Variants in IL1RAPL2 observed in about 807,000 individuals in gnomAD.
IL1RAPL2 encodes the protein interleukin 1 receptor accessory protein like 2, also known as X-linked interleukin-1 receptor accessory protein-like 2.
Under a neutral mutation model 44.1 loss-of-function variants are expected in IL1RAPL2, and 3 were observed. The observed-to-expected ratio is 0.07, with a 90% CI of 0.03 to 0.18. The LOEUF is 0.18. Ranked by LOEUF, IL1RAPL2 falls within the 10% of genes least tolerant of loss-of-function variation. The pLI is 1.00. For missense variants in IL1RAPL2, 391 were observed against 496.4 expected, an observed-to-expected ratio of 0.79 and a Z score of 2.02; for synonymous variants, 181 against 178.8, an observed-to-expected ratio of 1.01 and a Z score of -0.10.
chrX:105,383,084 C>T (rs976846545), intron 5 of IL1RAPL2, among the ~76,000 whole-genome samples: 12 of 108,198 alleles, frequency 1.1e-4, no homozygotes, highest in African/African-American at 3.0e-4. Context: ...CAAACCTGCA[C>T]GTTGTGCACA....
At chrX:105,164,079 T>A (rs2033350547) in intron 2 of IL1RAPL2, among the ~76,000 whole-genome samples, 2 of 77,077 alleles carry the variant, frequency 2.6e-5, no homozygotes, top group Non-Finnish European at 5.1e-5. Context: ...CCTAAAATGA[T>A]TTCAATTGCC....
At chrX:105,246,640 A>G (rs1603030684) in intron 4 of IL1RAPL2, among the ~76,000 whole-genome samples, 1 of 111,482 alleles carries the variant, frequency 9.0e-6, no homozygotes, top group South Asian at 3.8e-4. Flanking sequence ...GGATGTAGTG[A>G]TATGTTAAGT....
intron 2 of IL1RAPL2, among the ~76,000 whole-genome samples, chrX:104,769,972 A>C (rs1010808758): frequency 8.9e-6 from 1 of 112,030 alleles, no homozygotes; most frequent in African/African-American, 3.2e-5. Context: ...GTTTGGACAC[A>C]TGCTGTGTCA....
intron 2 of IL1RAPL2, among the ~76,000 whole-genome samples, chrX:105,051,142 A>G (rs2031916377): frequency 9.0e-6 from 1 of 111,566 alleles, no homozygotes; most frequent in Non-Finnish European, 1.9e-5. Flanking sequence ...CCTACTGGGG[A>G]CCCACCCCTT....
intron 2 of IL1RAPL2, among the ~76,000 whole-genome samples, chrX:105,032,772 G>T (rs1423172481): frequency 9.0e-6 from 1 of 111,041 alleles, no homozygotes; most frequent in African/African-American, 3.3e-5. Context: ...TTCAGTTCCT[G>T]GGTATCCTTG....
chrX:105,040,237 G>A (rs1209941099), intron 2 of IL1RAPL2, among the ~76,000 whole-genome samples: 11 of 111,549 alleles, frequency 9.9e-5, no homozygotes, highest in Admixed American at 7.6e-4. Context: ...AAGCCCACTT[G>A]ATCATGGTGG....
chrX:104,874,279 C>CCTCTCTCT (rs59789265), intron 2 of IL1RAPL2, among the ~76,000 whole-genome samples: 6,308 of 76,200 alleles, frequency 0.083, 361 homozygotes, highest in East Asian at 0.15. Flanking sequence ...TGTCTGTATT[C>CCTCTCTCT]CTCTCTCTCT....
chrX:104,835,264 G>C (rs1050888943), intron 2 of IL1RAPL2, among the ~76,000 whole-genome samples: 1 of 111,287 alleles, frequency 9.0e-6, no homozygotes, highest in Non-Finnish European at 1.9e-5. Context: ...GACACAGAGA[G>C]GGTCAGTGAT....
intron 2 of IL1RAPL2, among the ~76,000 whole-genome samples, chrX:104,743,331 T>TTG (rs60231170): frequency 4.6e-5 from 5 of 109,525 alleles, no homozygotes; most frequent in African/African-American, 1.3e-4. Flanking sequence ...TTTTTTTTTT[T>TTG]GCATTTTTAT....
At chrX:105,509,801 T>G (rs2036456596) in intron 6 of IL1RAPL2, among the ~76,000 whole-genome samples, 1 of 110,145 alleles carries the variant, frequency 9.1e-6, no homozygotes, top group Non-Finnish European at 1.9e-5. Flanking sequence ...GAAGCAAGAG[T>G]TTTATTATCA....
chrX:104,830,920 G>C (rs1921587795), intron 2 of IL1RAPL2, among the ~76,000 whole-genome samples: 1 of 111,920 alleles, frequency 8.9e-6, no homozygotes, highest in Non-Finnish European at 1.9e-5. Context: ...CTCATATCCA[G>C]TTTGGCAGGG....
chrX:105,078,862 T>A, intron 2 of IL1RAPL2, among the ~76,000 whole-genome samples: 1 of 112,258 alleles, frequency 8.9e-6, no homozygotes, highest in Non-Finnish European at 1.9e-5. Context: ...TGGTGTGCCG[T>A]TTGTTAAGCC....
At chrX:105,447,068 G>T (rs1602415814) in intron 5 of IL1RAPL2, among the ~76,000 whole-genome samples, 1 of 16,776 alleles carries the variant, frequency 6.0e-5, no homozygotes, top group Non-Finnish European at 1.4e-4. Context: ...AGTATATCTG[G>T]TTAAAATTAT....
intron 6 of IL1RAPL2, among the ~76,000 whole-genome samples, chrX:105,608,513 A>G (rs749206485): frequency 3.6e-5 from 4 of 112,229 alleles, no homozygotes; most frequent in African/African-American, 1.3e-4. Flanking sequence ...AGCAGAGAGT[A>G]TATGTTTGTG....
At chrX:104,888,808 A>G (rs1284080449) in intron 2 of IL1RAPL2, among the ~76,000 whole-genome samples, 2 of 111,145 alleles carry the variant, frequency 1.8e-5, no homozygotes, top group African/African-American at 3.3e-5. Context: ...ATATGCAATC[A>G]TTAGCCAAAT....
chrX:105,165,602 G>A (rs770117831), intron 2 of IL1RAPL2, among the ~76,000 whole-genome samples: 1 of 112,033 alleles, frequency 8.9e-6, no homozygotes, highest in South Asian at 3.7e-4. Flanking sequence ...ATGGCTTTCA[G>A]GATAATTTCC....
At chrX:105,105,264 G>C (rs1450215426) in intron 2 of IL1RAPL2, among the ~76,000 whole-genome samples, 1 of 111,975 alleles carries the variant, frequency 8.9e-6, no homozygotes, top group Non-Finnish European at 1.9e-5. Context: ...CAGGCAGTGT[G>C]CTAGGTTCCC....
chrX:105,016,541 C>G (rs1055207426), intron 2 of IL1RAPL2, among the ~76,000 whole-genome samples: 6 of 111,446 alleles, frequency 5.4e-5, no homozygotes, highest in Non-Finnish European at 1.1e-4. Flanking sequence ...TGAATTTTGT[C>G]AAATGCCTTT....
chrX:105,324,351 T>C (rs2147689770), intron 5 of IL1RAPL2, among the ~76,000 whole-genome samples: 1 of 111,432 alleles, frequency 9.0e-6, no homozygotes, highest in Non-Finnish European at 1.9e-5. Flanking sequence ...TTCCCCTGCT[T>C]TTTCTGATTG....
Sources: gnomAD v4.1 joint callset for allele counts (sites outside exome capture counted in the v4.1 genomes callset) on GRCh38, gnomAD v4.1.1 for gene constraint, MANE v1.5 for transcripts, NCBI Gene and HGNC (gene_info 2026-07-23, HGNC 2026-07-21) for gene names.